Variants in ZNF184 observed in about 807,000 individuals in gnomAD.
The protein encoded by ZNF184 is zinc finger protein 184.
ZNF184 carries 16 observed loss-of-function variants against 54.4 expected under a neutral mutation model. That is an observed-to-expected ratio of 0.29 (90% confidence interval 0.20 to 0.45). ZNF184 has a LOEUF of 0.45. Ranked by LOEUF, ZNF184 falls within the 20% of genes least tolerant of loss-of-function variation. ZNF184 has a pLI of 1.00. For missense variants in ZNF184, 681 were observed against 888.2 expected (o/e 0.77, Z 2.97); for synonymous variants, 254 against 295.3 (o/e 0.86, Z 1.43).
At chr6:27,433,965 T>TCTCC in the ZNF184 span, among the ~76,000 whole-genome samples, 3 of 148,156 alleles carry the variant, frequency 2.0e-5, no homozygotes, top group Non-Finnish European at 4.5e-5. Flanking sequence ...CCTTCCTTCC[T>TCTCC]CTCCCTCCCT....
the ZNF184 span, among the ~76,000 whole-genome samples, chr6:27,415,817 GT>G: frequency 6.6e-6 from 1 of 152,176 alleles, no homozygotes; most frequent in Non-Finnish European, 1.5e-5. Flanking sequence ...TTCTGTGTCT[GT>G]ACTAGTTTGC....
At chr6:27,442,880 A>AAAAAAGAAAG in the ZNF184 span, among the ~76,000 whole-genome samples, 4 of 86,172 alleles carry the variant, frequency 4.6e-5, no homozygotes, top group African/African-American at 4.2e-5. Flanking sequence ...GAAAGAAAGA[A>AAAAAAGAAAG]AAAGAAAAAA....
chr6:27,453,225 G>C lies in ZNF184; in HGVS notation c.334C>G (p.Pro112Ala). 1 of 1,607,680 alleles carries C rather than the reference G, an allele frequency of 6.2e-7. No individual in the cohort carries two copies. Among genetic ancestry groups the C allele is most frequent in the Non-Finnish European group, 8.5e-7 (1 of 1,177,802 alleles). The stretch of plus-strand genomic sequence containing the variant: ...TCTTCTTCAGAAATGTCAGGCTCTG[G>C]GGCTGACACACTATTTTCAAGTCTT... ...ETRLENSVSA[P>A]EPDISEEELS... Residue 112 changes from proline (P) to alanine (A), a missense_variant, in exon 6 of 6, where the codon CCA (proline) becomes GCA (alanine). Physicochemically the swap from Pro to Ala is conservative, Grantham distance 27. Coordinates refer to ENST00000683788, the MANE Select transcript of ZNF184 (RefSeq NM_001318891.2). This position sits in a 1 kb window ranked among gnomAD's most constrained non-coding sequence, Gnocchi z 4.7.
Position 27,452,599 on chromosome 6 carries a change from A to G in ZNF184, c.960T>C (p.His320=), listed in dbSNP as rs773002596. The change falls in exon 6 of 6, where the codon CAT becomes CAC. Residue 320 remains histidine (H), a synonymous_variant. Coordinates refer to ENST00000683788, the MANE Select transcript of ZNF184 (RefSeq NM_001318891.2). The surrounding 1 kb of genome is among the most constrained non-coding windows in gnomAD (Gnocchi z 5.5). ...ECGKAFSQRT[H]LVQHQRIHTG... is the part of the protein sequence containing the mutation. ...TATGAATTCTCTGATGCTGAACAAG[A>G]TGGGTCCTCTGACTAAAGGCTTTCC... 6.8e-6 allele frequency: 11 copies of G among 1,613,850 alleles called. No individual in the cohort carries two copies. The South Asian group carries it at 1.1e-4, about 16-fold the overall frequency.
chr6:27,467,454 G>A (rs1763167822), intron 3 of ZNF184, among the ~76,000 whole-genome samples: 1 of 152,116 alleles, frequency 6.6e-6, no homozygotes, highest in Admixed American at 6.5e-5. Context: ...AATTAGCCAG[G>A]CGTGGTAGTG....
chr6:27,449,409 T>C (rs1414914541), downstream of ZNF184, among the ~76,000 whole-genome samples: 2 of 152,232 alleles, frequency 1.3e-5, no homozygotes, highest in Admixed American at 1.3e-4. Flanking sequence ...TTTTTCTGGA[T>C]TCATTACAAC....
the ZNF184 span, among the ~76,000 whole-genome samples, chr6:27,423,638 A>T: frequency 3.1e-5 from 3 of 96,132 alleles, no homozygotes; most frequent in East Asian, 8.7e-4. Context: ...TGAAAAGCCA[A>T]AAAAACAAAA....
At chr6:27,427,122 A>AAAAAAAC in the ZNF184 span, among the ~76,000 whole-genome samples, 139 of 151,580 alleles carry the variant, frequency 9.2e-4, 2 homozygotes, top group African/African-American at 3.2e-3. Context: ...TATGTAAAAA[A>AAAAAAAC]AAAAAAAAAA....
intron 2 of ZNF184, among the ~76,000 whole-genome samples, chr6:27,469,856 C>T (rs1269030399): frequency 6.6e-6 from 1 of 152,022 alleles, no homozygotes; most frequent in Non-Finnish European, 1.5e-5. Flanking sequence ...TAGGCATTAA[C>T]CAAGGCTTGT....
the ZNF184 span, among the ~76,000 whole-genome samples, chr6:27,424,211 CTTCACGGTGA>C: frequency 9.6e-4 from 146 of 152,288 alleles, no homozygotes; most frequent in Middle Eastern, 3.4e-3. Flanking sequence ...GTTGTTCGTT[CTTCACGGTGA>C]GGTCTCTGGT....
At chr6:27,469,790 G>C (rs1763229987) in intron 2 of ZNF184, among the ~76,000 whole-genome samples, 1 of 152,214 alleles carries the variant, frequency 6.6e-6, no homozygotes, top group African/African-American at 2.4e-5. Context: ...GTGTGAGATA[G>C]TGGCAATAAG....
chr6:27,421,302 T>C, the ZNF184 span, among the ~76,000 whole-genome samples: 1 of 152,216 alleles, frequency 6.6e-6, no homozygotes, highest in Non-Finnish European at 1.5e-5. Context: ...AGGAAGTTGA[T>C]AATGGGAGAG....
the ZNF184 span, among the ~76,000 whole-genome samples, chr6:27,417,919 T>C: frequency 2.9e-4 from 44 of 152,310 alleles, 1 homozygote; most frequent in Middle Eastern, 3.4e-3. Flanking sequence ...CTATAGGAGA[T>C]GCCTCACTAG....
chr6:27,413,199 C>T, the ZNF184 span, among the ~76,000 whole-genome samples: 83,312 of 151,778 alleles, frequency 0.55, 23,797 homozygotes, highest in Middle Eastern at 0.73. Context: ...TGGAGGTTGT[C>T]GTGAGCCAGA....
At chr6:27,462,966 AGAGTT>A (rs1193634527) in intron 3 of ZNF184, among the ~76,000 whole-genome samples, 1 of 151,706 alleles carries the variant, frequency 6.6e-6, no homozygotes, top group Admixed American at 6.6e-5. Flanking sequence ...AAGAGACGTT[AGAGTT>A]AACAGACAAG....
chr6:27,465,511 C>CAAAAAAAAAAAAAAAAAAAAAA (rs1345135612), intron 3 of ZNF184, among the ~76,000 whole-genome samples: 1 of 88,442 alleles, frequency 1.1e-5, no homozygotes, highest in African/African-American at 4.3e-5. Context: ...AAAAAAAAAG[C>CAAAAAAAAAAAAAAAAAAAAAA]AAAACCCAAC....
rs552760326 is a variant in ZNF184, at chr6:27,463,205, A to G, written c.75+4648T>C. Among the ~76,000 whole-genome samples, 6 of 151,316 alleles carry G rather than the reference A, an allele frequency of 4.0e-5. No homozygotes were observed. In the South Asian group the frequency reaches 1.0e-3, roughly 26 times the overall value. On this transcript the variant is annotated intron_variant, in intron 3 of 5. Transcript: ENST00000683788. ...ACGAGTTAATGGGTGCAGCACACCA[A>G]CATGGCACATGTATACATATGTAAC...
the ZNF184 span, among the ~76,000 whole-genome samples, chr6:27,435,082 T>TC: frequency 6.6e-6 from 1 of 152,228 alleles, no homozygotes; most frequent in Non-Finnish European, 1.5e-5. Flanking sequence ...AGTTTTAAAA[T>TC]CAGAAAGTAT....
intron 2 of ZNF184, among the ~76,000 whole-genome samples, chr6:27,469,338 G>C (rs1763216012): frequency 6.6e-6 from 1 of 152,142 alleles, no homozygotes; most frequent in Non-Finnish European, 1.5e-5. Flanking sequence ...AGATGTCTCT[G>C]GATACAAAAT....
Sources: gnomAD v4.1 joint callset for allele counts (sites outside exome capture counted in the v4.1 genomes callset) on GRCh38, gnomAD v4.1.1 for gene constraint, Gnocchi (gnomAD v3.1) non-coding constraint, MANE v1.5 for transcripts, NCBI Gene and HGNC (gene_info 2026-07-23, HGNC 2026-07-21) for gene names.